Variants in STK32B observed in about 807,000 individuals in gnomAD.
STK32B encodes the protein serine/threonine-protein kinase 32B.
In STK32B, 43 loss-of-function variants were observed where a neutral mutation model predicts 52.6. The observed-to-expected ratio is 0.82, with a 90% confidence interval of 0.64 to 1.05. STK32B has a LOEUF of 1.05. Ranked by LOEUF, STK32B falls within the 50% of genes least tolerant of loss-of-function variation. The pLI, the probability that STK32B is intolerant of heterozygous loss-of-function variation, is 0.00. For synonymous variants in STK32B, 238 were observed against 204.3 expected (o/e 1.17, Z -1.41); for missense variants, 621 against 534.6 (o/e 1.16, Z -1.59).
chr4:5,450,481 T>C (rs1050216800), intron 7 of STK32B, among the ~76,000 whole-genome samples: 1 of 152,184 alleles, frequency 6.6e-6, no homozygotes, highest in Non-Finnish European at 1.5e-5. Context: ...AAGAATCTTT[T>C]TCACTCTTGA....
intron 3 of STK32B, among the ~76,000 whole-genome samples, chr4:5,237,328 G>A (rs1724703088): frequency 6.6e-6 from 1 of 152,162 alleles, no homozygotes; most frequent in African/African-American, 2.4e-5. Flanking sequence ...GGGGACTGTT[G>A]GGTGCATCAG....
intron 3 of STK32B, among the ~76,000 whole-genome samples, chr4:5,274,689 C>T (rs572237748): frequency 3.3e-5 from 5 of 152,250 alleles, no homozygotes; most frequent in African/African-American, 1.2e-4. Context: ...CTCTTTGGGT[C>T]CCCTCCCTTT....
intron 1 of STK32B, among the ~76,000 whole-genome samples, chr4:5,126,097 A>G (rs1045109307): frequency 2.6e-5 from 4 of 152,158 alleles, no homozygotes; most frequent in Admixed American, 2.6e-4. Context: ...ATTATGTTCC[A>G]TTCCTCCATA....
intron 4 of STK32B, among the ~76,000 whole-genome samples, chr4:5,362,341 C>G (rs1343392891): frequency 6.6e-6 from 1 of 152,132 alleles, no homozygotes; most frequent in Non-Finnish European, 1.5e-5. Context: ...CCAATTCTTC[C>G]TCTCCCATTC....
At chr4:5,274,356 C>T (rs1023601827) in intron 3 of STK32B, among the ~76,000 whole-genome samples, 3 of 152,112 alleles carry the variant, frequency 2.0e-5, no homozygotes, top group Non-Finnish European at 4.4e-5. Flanking sequence ...GACAATGTCT[C>T]TGCCCTCATG....
At chr4:5,393,874 C>T (rs16837105) in intron 4 of STK32B, among the ~76,000 whole-genome samples, 1 of 152,112 alleles carries the variant, frequency 6.6e-6, no homozygotes, top group East Asian at 1.9e-4. Context: ...TCTCAAGTCT[C>T]TCTTCTCTGT....
At chr4:5,051,983 G>T in intron 1 of STK32B, 68 bp downstream of exon 1, 1 of 1,546,536 alleles carries the variant, frequency 6.5e-7, no homozygotes, top group Non-Finnish European at 8.7e-7. Flanking sequence ...CCTCGGCCGA[G>T]CCCTGCGGGG....
Position 5,466,774 on chromosome 4 carries a change from AAAG to A in STK32B, c.988_990del (p.Lys330del), listed in dbSNP as rs752900171. 16 of 1,613,962 alleles carry A rather than the reference AAAG, an allele frequency of 9.9e-6. No homozygotes were observed. The East Asian group carries it at 2.9e-4, about 29-fold the overall frequency. ...TTCTAGAATCCAAGCCACTTCACAA[AAAG>A]AAGAAGCGATTGGCAAAGAACAGAT... On this transcript the variant is annotated inframe_deletion, in exon 10 of 12. Transcript: ENST00000282908.
chr4:5,315,106 G>A (rs929919947), intron 3 of STK32B, among the ~76,000 whole-genome samples: 9 of 152,134 alleles, frequency 5.9e-5, no homozygotes, highest in Non-Finnish European at 1.0e-4. Flanking sequence ...AGACTATATA[G>A]TGAGTTCTCA....
intron 1 of STK32B, among the ~76,000 whole-genome samples, chr4:5,137,740 A>G (rs1008429228): frequency 2.6e-5 from 4 of 152,224 alleles, no homozygotes; most frequent in African/African-American, 9.6e-5. Flanking sequence ...AGATGTCTAC[A>G]GAAGGTTCAG....
chr4:5,316,259 AT>A lies in STK32B; in HGVS notation c.261-14959del, dbSNP rs1730706996. Among the ~76,000 whole-genome samples, 5 of 81,712 alleles carry A rather than the reference AT, an allele frequency of 6.1e-5. 1 individual carries two copies. The highest frequency in any genetic ancestry group is 2.7e-4 in the African/African-American group (4 of 14,814). 53.6% of individuals were successfully genotyped at this position (81,712 alleles called of 152,430 possible). On this transcript the variant is annotated intron_variant, in intron 3 of 11. Transcript: ENST00000282908. The stretch of plus-strand genomic sequence containing the variant: ...ATATTATATATTGTATATATAATAT[AT>A]TATATAGTATATATAATATATTATA...
At chr4:5,120,433 A>C (rs185840764) in intron 1 of STK32B, among the ~76,000 whole-genome samples, 8 of 152,260 alleles carry the variant, frequency 5.3e-5, no homozygotes, top group Non-Finnish European at 1.0e-4. Context: ...CATAACGTTT[A>C]TTACTGTATA....
Position 5,204,835 on chromosome 4 carries a change from G to C in STK32B, c.260+36385G>C, listed in dbSNP as rs539561077. ...TCATCCTCCCTTATGGACCACTCGT[G>C]GGGAGGGGCTCTCAGGGCTCCTGCC... On this transcript the variant is annotated intron_variant, in intron 3 of 11. Transcript: ENST00000282908. Among the ~76,000 whole-genome samples the C allele has an allele frequency of 8.5e-5, 13 of 152,216 alleles. No homozygotes were observed. In the East Asian group the frequency reaches 2.3e-3, roughly 27 times the overall value.
At chr4:5,307,998 G>T (rs1005853759) in intron 3 of STK32B, among the ~76,000 whole-genome samples, 1 of 152,172 alleles carries the variant, frequency 6.6e-6, no homozygotes, top group African/African-American at 2.4e-5. Context: ...TTTCTCAGCC[G>T]TGGACATGAG....
At chr4:5,363,765 C>T (rs771545703) in intron 4 of STK32B, among the ~76,000 whole-genome samples, 1 of 152,056 alleles carries the variant, frequency 6.6e-6, no homozygotes, top group Middle Eastern at 3.4e-3. Flanking sequence ...TGACACATGT[C>T]CTCTTACCTA....
At chr4:5,371,665 A>G (rs577172936) in intron 4 of STK32B, among the ~76,000 whole-genome samples, 1 of 152,328 alleles carries the variant, frequency 6.6e-6, no homozygotes, top group South Asian at 2.1e-4. Context: ...AAGGGGCCAG[A>G]TCATAAATAT....
At chr4:5,268,301 A>G (rs531601668) in intron 3 of STK32B, among the ~76,000 whole-genome samples, 28 of 152,192 alleles carry the variant, frequency 1.8e-4, no homozygotes, top group African/African-American at 5.5e-4. Context: ...GCCTCATTAT[A>G]TACTGCAAAT....
At chr4:5,393,859 C>G (rs141241256) in intron 4 of STK32B, among the ~76,000 whole-genome samples, 86 of 152,308 alleles carry the variant, frequency 5.6e-4, no homozygotes, top group African/African-American at 1.9e-3. Context: ...AGACTCAGGA[C>G]TGGATCTCAA....
At chr4:5,440,087 G>C (rs1714568501) in intron 6 of STK32B, among the ~76,000 whole-genome samples, 2 of 151,820 alleles carry the variant, frequency 1.3e-5, no homozygotes, top group Non-Finnish European at 2.9e-5. Flanking sequence ...GGCGATGCGG[G>C]CTCTTTTTTG....
Sources: allele counts gnomAD v4.1 joint callset (sites outside exome capture counted in the v4.1 genomes callset), GRCh38; gene constraint gnomAD v4.1.1; transcripts MANE v1.5; gene names NCBI Gene and HGNC (gene_info 2026-07-23, HGNC 2026-07-21).